Variants in BTBD16 observed in about 807,000 individuals in gnomAD.
BTBD16 encodes BTB/POZ domain-containing protein 16.
BTBD16 carries 66 observed loss-of-function variants against 67.4 expected under a neutral mutation model. The ratio of observed to expected loss-of-function variants is 0.98; its 90% CI spans 0.80 to 1.20. The LOEUF is 1.20. Among genes scored for constraint, BTBD16 ranks in the 50% most tolerant of loss-of-function variants. The pLI is 0.00. For synonymous variants in BTBD16, 242 were observed against 236.4 expected (o/e 1.02, Z -0.22); for missense variants, 634 against 616.0 (o/e 1.03, Z -0.31).
chr10:122,288,191 A>C (rs1260374592), intron 5 of BTBD16, among the ~76,000 whole-genome samples: 1 of 152,218 alleles, frequency 6.6e-6, no homozygotes, highest in Non-Finnish European at 1.5e-5. Flanking sequence ...CACCTCCTGC[A>C]TGCCTACTGT....
intron 9 of BTBD16, among the ~76,000 whole-genome samples, chr10:122,304,346 C>T (rs573833667): frequency 1.3e-4 from 20 of 152,238 alleles, no homozygotes; most frequent in African/African-American, 4.8e-4. Flanking sequence ...TGGTGCCACC[C>T]ACCATAACCA....
intron 7 of BTBD16, 92 bp from the exon 8 acceptor site, chr10:122,297,676 C>T: frequency 7.2e-7 from 1 of 1,396,354 alleles, no homozygotes; most frequent in Non-Finnish European, 1.0e-6. Context: ...AAGTCTGCTG[C>T]TGTCCTGGAG....
intron 3 of BTBD16, among the ~76,000 whole-genome samples, chr10:122,282,226 C>T (rs889667869): frequency 3.3e-5 from 5 of 152,162 alleles, no homozygotes; most frequent in South Asian, 2.1e-4. Context: ...TTTGGGATCA[C>T]GGTCTGAACT....
At chr10:122,326,559 G>A (rs17103385) in intron 10 of BTBD16, among the ~76,000 whole-genome samples, 2,739 of 152,272 alleles carry the variant, frequency 0.018, 51 homozygotes, top group African/African-American at 0.055. Flanking sequence ...AGGAAGGGTG[G>A]AAGGCTCCAG....
At chr10:122,296,365 A>C (rs1240767912) in intron 7 of BTBD16, among the ~76,000 whole-genome samples, 1 of 152,176 alleles carries the variant, frequency 6.6e-6, no homozygotes. Context: ...ACAAGACCCC[A>C]TCTGCCTTCT....
intron 10 of BTBD16, among the ~76,000 whole-genome samples, chr10:122,312,278 T>C (rs141138741): frequency 6.6e-6 from 1 of 151,856 alleles, no homozygotes; most frequent in South Asian, 2.1e-4. Flanking sequence ...ACACTAGGTA[T>C]CTTCAGTCTT....
chr10:122,280,917 C>T (rs1389224252), intron 3 of BTBD16, among the ~76,000 whole-genome samples: 5 of 151,938 alleles, frequency 3.3e-5, no homozygotes, highest in Admixed American at 1.3e-4. Flanking sequence ...TTGATCCTCC[C>T]GCTTCAGCCT....
At chr10:122,309,231 A>G (rs2096409081) in intron 10 of BTBD16, among the ~76,000 whole-genome samples, 1 of 152,070 alleles carries the variant, frequency 6.6e-6, no homozygotes, top group East Asian at 1.9e-4. Flanking sequence ...GGTTCAAGTG[A>G]TCCTCTCGCC....
At chr10:122,309,736 G>A (rs1175405115) in intron 10 of BTBD16, among the ~76,000 whole-genome samples, 1 of 151,022 alleles carries the variant, frequency 6.6e-6, no homozygotes, top group East Asian at 2.0e-4. Flanking sequence ...GCCTCCCAAA[G>A]CACTGGGATT....
intron 10 of BTBD16, chr10:122,328,936 A>T (rs759764451): frequency 1.1e-4 from 65 of 595,840 alleles, no homozygotes; most frequent in Non-Finnish European, 1.3e-4. Flanking sequence ...AGTTCCCCAC[A>T]CAGCCGTTCT....
intron 9 of BTBD16, 75 bp downstream of exon 9, chr10:122,299,209 T>A: frequency 6.5e-7 from 1 of 1,541,702 alleles, no homozygotes; most frequent in Non-Finnish European, 8.8e-7. Flanking sequence ...GGGAGGGAGG[T>A]GCTCTGATGG....
chr10:122,300,878 G>A (rs1265086447), intron 9 of BTBD16, among the ~76,000 whole-genome samples: 1 of 152,224 alleles, frequency 6.6e-6, no homozygotes, highest in African/African-American at 2.4e-5. Context: ...TGTGTGGAAA[G>A]TGTTCTGATT....
At chr10:122,293,547 G>A (rs1034589084) in intron 7 of BTBD16, among the ~76,000 whole-genome samples, 2 of 152,182 alleles carry the variant, frequency 1.3e-5, no homozygotes, top group African/African-American at 2.4e-5. Flanking sequence ...GTAGATGGGA[G>A]ATGAATAGTT....
chr10:122,329,470 C>T lies in BTBD16; in HGVS notation c.912-10C>T. On this transcript the variant is annotated splice_polypyrimidine_tract_variant and intron_variant, in intron 10 of 15. Transcript: ENST00000260723. ...GAAGGTCTGTTATTCTTCTTTATGC[C>T]TCTGCTAAGCTTTCCTGAGAACTGT... 1.2e-6 allele frequency: 2 copies of T among 1,613,496 alleles called. No individual in the cohort carries two copies. The highest frequency in any genetic ancestry group is 1.7e-6 in the Non-Finnish European group (2 of 1,179,872).
intron 5 of BTBD16, among the ~76,000 whole-genome samples, chr10:122,286,856 C>T (rs900663882): frequency 3.3e-5 from 5 of 152,164 alleles, no homozygotes; most frequent in African/African-American, 9.7e-5. Flanking sequence ...GTCTCTAAGT[C>T]GTCTCCATCT....
chr10:122,299,795 A>G (rs777903454), intron 9 of BTBD16, among the ~76,000 whole-genome samples: 6 of 152,066 alleles, frequency 3.9e-5, no homozygotes, highest in Non-Finnish European at 8.8e-5. Flanking sequence ...CGGAGGTCCA[A>G]TGTCTCTTAT....
intron 9 of BTBD16, among the ~76,000 whole-genome samples, 155 bp downstream of exon 9, chr10:122,299,289 G>A (rs1166277276): frequency 6.6e-6 from 1 of 152,128 alleles, no homozygotes. Context: ...TGGAACTCAG[G>A]GTGCTGTGTG....
intron 13 of BTBD16, 41 bp from the exon 14 acceptor site, chr10:122,334,839 AT>A (rs2096461025): frequency 1.6e-6 from 2 of 1,269,706 alleles, no homozygotes; most frequent in Admixed American, 1.8e-5. Flanking sequence ...AATACTAAAT[AT>A]TTTCCCCCCT....
At chr10:122,324,583 A>T (rs569212871) in intron 10 of BTBD16, among the ~76,000 whole-genome samples, 2 of 152,354 alleles carry the variant, frequency 1.3e-5, no homozygotes, top group East Asian at 3.9e-4. Flanking sequence ...CATTAGGGCC[A>T]TTAAATTGTT....
Sources: allele counts gnomAD v4.1 joint callset (sites outside exome capture counted in the v4.1 genomes callset), GRCh38; gene constraint gnomAD v4.1.1; transcripts MANE v1.5; gene names NCBI Gene and HGNC (gene_info 2026-07-23, HGNC 2026-07-21).